ADARB2: variants seen among roughly 807,000 people sequenced by gnomAD.
ADARB2 encodes the protein inactive double-stranded RNA-specific editase B2.
A neutral mutation model predicts 62.2 loss-of-function variants in ADARB2; 25 were observed. The ratio of observed to expected loss-of-function variants is 0.40; its 90% CI spans 0.29 to 0.56. The LOEUF (loss-of-function observed/expected upper bound fraction) is 0.56. Ranked by LOEUF, ADARB2 falls within the 20% of genes least tolerant of loss-of-function variation. ADARB2 has a pLI of 0.43. For synonymous variants in ADARB2, 572 were observed against 500.8 expected, an observed-to-expected ratio of 1.14 and a Z score of -1.90; for missense variants, 1,071 against 1,077.4, an observed-to-expected ratio of 0.99 and a Z score of 0.08.
At chr10:1,577,688 T>C (rs2813378) in intron 1 of ADARB2, among the ~76,000 whole-genome samples, 3 of 151,822 alleles carry the variant, frequency 2.0e-5, no homozygotes, top group Non-Finnish European at 4.4e-5. Flanking sequence ...AGCCCCACCA[T>C]CCCTGCCGCA....
At chr10:1,199,656 G>A in intron 8 of ADARB2, 1 of 303,802 alleles carries the variant, frequency 3.3e-6, no homozygotes, top group Non-Finnish European at 6.0e-6. Context: ...CGGCCAGGTG[G>A]GCAGGTGGGG....
intron 4 of ADARB2, among the ~76,000 whole-genome samples, chr10:1,253,623 C>T (rs760129409): frequency 1.3e-5 from 2 of 152,244 alleles, no homozygotes; most frequent in African/African-American, 2.4e-5. Flanking sequence ...CACATGCTCA[C>T]AGGCAGGGAG....
At chr10:1,456,415 A>C (rs538006693) in intron 1 of ADARB2, among the ~76,000 whole-genome samples, 11 of 152,184 alleles carry the variant, frequency 7.2e-5, no homozygotes, top group South Asian at 2.1e-4. Flanking sequence ...ACCAACCTAA[A>C]GTTTCCTCAT....
chr10:1,600,432 G>T (rs951849668), intron 1 of ADARB2, among the ~76,000 whole-genome samples: 7 of 152,032 alleles, frequency 4.6e-5, no homozygotes, highest in Non-Finnish European at 1.0e-4. Flanking sequence ...AAGCTGAGAT[G>T]GGGGGATCAT....
chr10:1,344,396 G>T (rs1223354592), intron 3 of ADARB2, among the ~76,000 whole-genome samples: 1 of 152,192 alleles, frequency 6.6e-6, no homozygotes, highest in Non-Finnish European at 1.5e-5. Flanking sequence ...AGAAGGAAGG[G>T]CTCAGAATAT....
intron 3 of ADARB2, among the ~76,000 whole-genome samples, chr10:1,276,491 GT>G (rs1220990698): frequency 6.6e-6 from 1 of 151,980 alleles, no homozygotes; most frequent in Non-Finnish European, 1.5e-5. Context: ...TTCTTTTGCT[GT>G]GCAGAAGCTC....
intron 2 of ADARB2, among the ~76,000 whole-genome samples, chr10:1,367,273 G>A (rs1490407233): frequency 6.6e-6 from 1 of 152,176 alleles, no homozygotes; most frequent in Non-Finnish European, 1.5e-5. Context: ...AAGGCTCTGG[G>A]CTCTGCTTTG....
At chr10:1,222,558 G>T (rs868280533) in intron 6 of ADARB2, among the ~76,000 whole-genome samples, 1 of 149,308 alleles carries the variant, frequency 6.7e-6, no homozygotes, top group Non-Finnish European at 1.5e-5. Flanking sequence ...GGTCTAACAT[G>T]TAAGTCTTTA....
intron 1 of ADARB2, among the ~76,000 whole-genome samples, chr10:1,396,327 C>T (rs1283659750): frequency 1.3e-5 from 2 of 152,154 alleles, no homozygotes; most frequent in Non-Finnish European, 2.9e-5. Context: ...CGCAGCTGCA[C>T]GGGTGGGCGC....
At chr10:1,644,711 C>T (rs1472382005) in intron 1 of ADARB2, among the ~76,000 whole-genome samples, 1 of 152,280 alleles carries the variant, frequency 6.6e-6, no homozygotes, top group Non-Finnish European at 1.5e-5. Context: ...TCTCCTGCTG[C>T]TGATGCCTCT....
intron 3 of ADARB2, among the ~76,000 whole-genome samples, chr10:1,293,551 G>A (rs1245023569): frequency 2.0e-5 from 3 of 152,186 alleles, no homozygotes; most frequent in African/African-American, 7.2e-5. Context: ...CGCTGGAAAG[G>A]CTCAGTCATG....
At chr10:1,728,438 CTT>C (rs1588368987) in intron 1 of ADARB2, among the ~76,000 whole-genome samples, 1 of 152,142 alleles carries the variant, frequency 6.6e-6, no homozygotes, top group African/African-American at 2.4e-5. Flanking sequence ...GCTGGGGAGT[CTT>C]TTAATATTTC....
At chr10:1,583,156 C>T (rs1220625854) in intron 1 of ADARB2, among the ~76,000 whole-genome samples, 1 of 152,018 alleles carries the variant, frequency 6.6e-6, no homozygotes, top group Non-Finnish European at 1.5e-5. Flanking sequence ...CAACACTTGA[C>T]CTATTCTGCC....
chr10:1,575,376 A>T (rs1832996693), intron 1 of ADARB2, among the ~76,000 whole-genome samples: 1 of 152,208 alleles, frequency 6.6e-6, no homozygotes, highest in African/African-American at 2.4e-5. Flanking sequence ...TTTTTCTGGG[A>T]GGGAAATGCA....
In ADARB2 at chr10:1,196,086, G is replaced by C. The variant is rs931531232; in HGVS notation, c.1864+3880C>G. Among the ~76,000 whole-genome samples the C allele has an allele frequency of 4.6e-5, 7 of 152,078 alleles. 1 individual carries two copies. The highest frequency in any genetic ancestry group is 4.6e-4 in the Admixed American group (7 of 15,266). On this transcript the variant is annotated intron_variant, in intron 8 of 9. Transcript: ENST00000381312. ...GCCTGTTTCCCAAAACCCTGTGGGA[G>C]CCCTTCTCCCAGCTCCATTCCCTCA...
chr10:1,737,143 G>C lies in ADARB2; in HGVS notation c.8C>G (p.Ser3Trp). The C allele has an allele frequency of 6.2e-7, 1 of 1,607,948 alleles. No homozygotes were observed. The highest frequency in any genetic ancestry group is 8.5e-7 in the Non-Finnish European group (1 of 1,179,852). Residue 3 changes from serine (S) to tryptophan (W), a missense_variant, in exon 1 of 10, where the codon TCG becomes TGG. Ser to Trp is a radical substitution (Grantham distance 177). Coordinates refer to ENST00000381312, the MANE Select transcript of ADARB2 (RefSeq NM_018702.4). ...AGACCCTCTGCCGCTCCCCAGGACC[G>C]AGGCCATGGCCGAGACCCAGGCGCG... Reference protein sequence around the residue: MASVLGSGRGSGG... With the variant: MAWVLGSGRGSGG...
At chr10:1,296,023 T>C (rs1449821719) in intron 3 of ADARB2, among the ~76,000 whole-genome samples, 3 of 152,196 alleles carry the variant, frequency 2.0e-5, no homozygotes, top group Admixed American at 2.0e-4. Flanking sequence ...CTTCCAGCTG[T>C]GCTGTGGGGT....
intron 1 of ADARB2, among the ~76,000 whole-genome samples, chr10:1,577,144 C>A (rs10903491): frequency 1.4e-5 from 2 of 142,392 alleles, no homozygotes; most frequent in South Asian, 4.5e-4. Flanking sequence ...GGAAAGAAGC[C>A]CAGGTGCGCT....
At chr10:1,517,219 T>A (rs777251662) in intron 1 of ADARB2, among the ~76,000 whole-genome samples, 2 of 152,214 alleles carry the variant, frequency 1.3e-5, no homozygotes, top group Non-Finnish European at 1.5e-5. Context: ...CACTACCGTA[T>A]GTGCTTAAAT....
Sources: allele counts gnomAD v4.1 joint callset (sites outside exome capture counted in the v4.1 genomes callset), GRCh38; gene constraint gnomAD v4.1.1; transcripts MANE v1.5; gene names NCBI Gene and HGNC (gene_info 2026-07-23, HGNC 2026-07-21).